SKA1: variants seen among roughly 807,000 people sequenced by gnomAD.
SKA1 encodes the protein spindle and kinetochore associated complex subunit 1.
In SKA1, 20 loss-of-function variants were observed where a neutral mutation model predicts 31.8. That is an observed-to-expected ratio of 0.63 (90% CI 0.44 to 0.91). SKA1 has a LOEUF of 0.91. Ranked by LOEUF, SKA1 falls within the 40% of genes least tolerant of loss-of-function variation. The pLI, the probability that SKA1 is intolerant of heterozygous loss-of-function variation, is 0.00. For synonymous variants in SKA1, 88 were observed against 100.5 expected (o/e 0.88, Z 0.74); for missense variants, 253 against 298.2 (o/e 0.85, Z 1.12).
At chr18:50,387,824 G>T (rs8086801) in intron 5 of SKA1, among the ~76,000 whole-genome samples, 1 of 152,070 alleles carries the variant, frequency 6.6e-6, no homozygotes, top group Admixed American at 6.5e-5. Flanking sequence ...TTGAGTTAGT[G>T]GTTTGATACT....
chr18:50,379,624 C>T (rs765513158), intron 2 of SKA1, among the ~76,000 whole-genome samples: 24 of 152,166 alleles, frequency 1.6e-4, no homozygotes, highest in Non-Finnish European at 3.4e-4. Context: ...GCCCCAAAAC[C>T]TTGGATCTTA....
At chr18:50,390,104 ATACATAAG>A (rs2041344737) in intron 5 of SKA1, among the ~76,000 whole-genome samples, 1 of 152,218 alleles carries the variant, frequency 6.6e-6, no homozygotes, top group Non-Finnish European at 1.5e-5. Context: ...ATTTGAAGGA[ATACATAAG>A]TGCATTGTGG....
chr18:50,380,300 T>C (rs762936380), intron 3 of SKA1, 50 bp downstream of exon 3: 30 of 1,487,144 alleles, frequency 2.0e-5, no homozygotes, highest in Admixed American at 2.8e-5. Flanking sequence ...ACATACAAAC[T>C]CCCTAATCAT....
chr18:50,377,426 C>T lies in SKA1; in HGVS notation c.88+1508C>T, dbSNP rs192381877. On this transcript the variant is annotated intron_variant, in intron 2 of 6. Transcript: ENST00000285116. ...CATAGGGGTAAAAGTAGTTCATAAC[C>T]CATCTTAGAGCCTGCTTTGGAGGAA... 4.6e-5 allele frequency among the ~76,000 whole-genome samples: 7 copies of T among 152,288 alleles called. No individual in the cohort carries two copies. In the East Asian group the frequency reaches 9.6e-4, roughly 21 times the overall value.
At chr18:50,383,850 G>T (rs1240628368) in intron 4 of SKA1, among the ~76,000 whole-genome samples, 1 of 152,246 alleles carries the variant, frequency 6.6e-6, no homozygotes, top group African/African-American at 2.4e-5. Flanking sequence ...GATTCAGCCA[G>T]TCTCACAGTG....
In SKA1 at chr18:50,380,288, A is replaced by G; in HGVS notation, c.213+38A>G. The G allele has an allele frequency of 3.3e-6, 5 of 1,516,954 alleles. No individual in the cohort carries two copies. The Middle Eastern group carries it at 5.2e-4, about 158-fold the overall frequency. The allele number at this position is 1,516,954 out of a possible 1,614,324, so 94.0% of individuals were successfully genotyped here. ...TAATGAGGAAGCAGTAAAAAAGACA[A>G]TACATACAAACTCCCTAATCATTAA... On this transcript the variant is annotated intron_variant, in intron 3 of 6. Coordinates refer to ENST00000285116, the MANE Select transcript of SKA1 (RefSeq NM_145060.4).
chr18:50,386,382 T>C (rs2149321995), intron 5 of SKA1, among the ~76,000 whole-genome samples: 1 of 152,310 alleles, frequency 6.6e-6, no homozygotes, highest in Middle Eastern at 3.4e-3. Flanking sequence ...TCATACCAGT[T>C]CATTTTGGTT....
At chr18:50,380,936 T>TA (rs541170396) in intron 3 of SKA1, among the ~76,000 whole-genome samples, 1 of 152,340 alleles carries the variant, frequency 6.6e-6, no homozygotes, top group East Asian at 1.9e-4. Flanking sequence ...CATTCAGCCT[T>TA]ATAATCCTTA....
intron 4 of SKA1, among the ~76,000 whole-genome samples, chr18:50,385,007 A>G (rs1054484311): frequency 5.3e-5 from 8 of 151,894 alleles, no homozygotes; most frequent in Admixed American, 5.2e-4. Flanking sequence ...ATGTAGCTAT[A>G]TTACTGAAGA....
chr18:50,376,953 C>A (rs2041222239), intron 2 of SKA1, among the ~76,000 whole-genome samples: 1 of 152,012 alleles, frequency 6.6e-6, no homozygotes, highest in African/African-American at 2.4e-5. Flanking sequence ...GTCATCGGGG[C>A]AGTACCACAC....
rs2041376512 is a variant in SKA1 at position 50,393,408 on chromosome 18, A to G, written c.*1161A>G. 1 of 152,202 alleles carries G rather than the reference A, an allele frequency of 6.6e-6. No individual in the cohort carries two copies. Among genetic ancestry groups the G allele is most frequent in the Non-Finnish European group, 1.5e-5 (1 of 68,032 alleles). The allele number at this position is 152,202 out of a possible 1,614,324, so 9.4% of individuals were successfully genotyped here. A position where few individuals can be genotyped will look rare whatever the true frequency, so the allele number is the denominator to read the frequency against. ...CCCAGGCCCTTTGGACTTAAAGATC[A>G]CTAGTGTCTAAATTCCATCGATGGC... is the stretch of plus-strand genomic sequence containing the variant. On this transcript the variant is annotated 3_prime_UTR_variant, in exon 7 of 7. Coordinates refer to ENST00000285116, the MANE Select transcript of SKA1 (RefSeq NM_145060.4).
At chr18:50,389,716 C>T (rs1470048290) in intron 5 of SKA1, among the ~76,000 whole-genome samples, 1 of 152,156 alleles carries the variant, frequency 6.6e-6, no homozygotes, top group African/African-American at 2.4e-5. Context: ...TTATTGACAG[C>T]TTTATTTTCA....
intron 2 of SKA1, among the ~76,000 whole-genome samples, chr18:50,379,113 T>A (rs1362885430): frequency 2.0e-5 from 3 of 152,244 alleles, no homozygotes; most frequent in Non-Finnish European, 4.4e-5. Context: ...CATTGTTAGA[T>A]AGCTGGAAAT....
At chr18:50,376,809 T>G (rs2041219839) in intron 2 of SKA1, among the ~76,000 whole-genome samples, 2 of 79,896 alleles carry the variant, frequency 2.5e-5, no homozygotes, top group Admixed American at 1.6e-4. Flanking sequence ...GAGCTTTTTT[T>G]CTATTTTTTT....
At position 50,382,129 on chromosome 18, in the gene SKA1, G is replaced by A. The variant is rs1024844966; in HGVS notation, c.214G>A (p.Glu72Lys). 1 of 1,510,168 alleles carries A rather than the reference G, an allele frequency of 6.6e-7. No homozygotes were observed. The highest frequency in any genetic ancestry group is 1.5e-5 in the African/African-American group (1 of 68,416). The allele number at this position is 1,510,168 out of a possible 1,614,324, so 93.5% of individuals were successfully genotyped here. A position where few individuals can be genotyped will look rare whatever the true frequency, so the allele number is the denominator to read the frequency against. ...YQEQTNNSLKELCESLEEDYK... is the reference protein window; with the variant it reads ...YQEQTNNSLKKLCESLEEDYK... ...ATTTGTGAGCACTTTTAAATTTTAG[G>A]AACTCTGTGAATCTCTTGAAGAAGA... Residue 72 changes from glutamate to lysine, a missense_variant and splice_region_variant, in exon 4 of 7, where the codon GAA becomes AAA. Coordinates refer to ENST00000285116, the MANE Select transcript of SKA1 (RefSeq NM_145060.4).
intron 2 of SKA1, among the ~76,000 whole-genome samples, chr18:50,377,575 C>G (rs2041229236): frequency 6.6e-6 from 1 of 152,104 alleles, no homozygotes; most frequent in South Asian, 2.1e-4. Context: ...TTGGATGATG[C>G]AATGAAAGTT....
intron 5 of SKA1, among the ~76,000 whole-genome samples, chr18:50,385,601 G>A (rs767588797): frequency 1.3e-5 from 2 of 152,182 alleles, no homozygotes; most frequent in Non-Finnish European, 2.9e-5. Context: ...TTGTGTTACA[G>A]ATTTACCAAT....
intron 5 of SKA1, among the ~76,000 whole-genome samples, chr18:50,389,375 C>CTTTTTTTTTTTTTT (rs756288352): frequency 2.1e-4 from 18 of 86,140 alleles, no homozygotes; most frequent in East Asian, 7.3e-4. Flanking sequence ...CTTTACCTTT[C>CTTTTTTTTTTTTTT]TTTTTTTTTT....
intron 2 of SKA1, 43 bp from the exon 3 acceptor site, chr18:50,380,083 T>G (rs1328744568): frequency 1.4e-6 from 2 of 1,450,462 alleles, no homozygotes; most frequent in Middle Eastern, 4.3e-4. Flanking sequence ...AGCTACTGCT[T>G]TTCTATACAC....
Sources: allele counts gnomAD v4.1 joint callset (sites outside exome capture counted in the v4.1 genomes callset), GRCh38; gene constraint gnomAD v4.1.1; transcripts MANE v1.5; gene names NCBI Gene and HGNC (gene_info 2026-07-23, HGNC 2026-07-21).